Variants in EHBP1 observed in about 807,000 individuals in gnomAD.
EHBP1 encodes the protein EH domain-binding protein 1.
EHBP1 carries 55 observed loss-of-function variants against 144.0 expected under a neutral mutation model. The ratio of observed to expected loss-of-function variants is 0.38; its 90% confidence interval spans 0.31 to 0.48. The LOEUF is 0.48. Among genes scored for constraint, EHBP1 ranks in the 20% least tolerant of loss-of-function variants. EHBP1 has a pLI of 0.98. For synonymous variants in EHBP1, 469 were observed against 472.7 expected (o/e 0.99, Z 0.10); for missense variants, 1,200 against 1,364.2 (o/e 0.88, Z 1.90).
intron 7 of EHBP1, among the ~76,000 whole-genome samples, chr2:62,840,923 T>A (rs1558771222): frequency 1.3e-5 from 2 of 152,242 alleles, no homozygotes; most frequent in East Asian, 1.9e-4. Context: ...ATTGTGGAAG[T>A]CAGTGTGGTG....
At chr2:63,041,818 A>G (rs1005342667) in intron 21 of EHBP1, among the ~76,000 whole-genome samples, 1 of 152,156 alleles carries the variant, frequency 6.6e-6, no homozygotes, top group Non-Finnish European at 1.5e-5. Flanking sequence ...GTTAATTTTC[A>G]TCAAAGTGCC....
chr2:62,744,536 C>T (rs569984286), intron 2 of EHBP1, among the ~76,000 whole-genome samples: 3 of 151,854 alleles, frequency 2.0e-5, no homozygotes, highest in Admixed American at 6.6e-5. Flanking sequence ...AGTTTGTTCC[C>T]GATAATTAAA....
At position 62,825,304 on chromosome 2, in the gene EHBP1, A is replaced by G. The variant is rs539088480; in HGVS notation, c.313-783A>G. On this transcript the variant is annotated intron_variant, in intron 5 of 22. Transcript: ENST00000431489. ...CCTGTTTTCATTGTTCTCCTAGGCT[A>G]TTCTGTAAAGTATAGTTAAGAAACA... Among the ~76,000 whole-genome samples, 8 of 152,174 alleles carry G rather than the reference A, an allele frequency of 5.3e-5. No homozygotes were observed. In the South Asian group the frequency reaches 1.0e-3, roughly 20 times the overall value.
At chr2:63,034,345 A>AT (rs1018544095) in intron 19 of EHBP1, among the ~76,000 whole-genome samples, 2 of 151,982 alleles carry the variant, frequency 1.3e-5, no homozygotes, top group East Asian at 1.9e-4. Context: ...TATGTCTTGA[A>AT]TTTTTTAAAT....
At chr2:63,022,594 C>T (rs564399710) in intron 19 of EHBP1, among the ~76,000 whole-genome samples, 12 of 152,040 alleles carry the variant, frequency 7.9e-5, no homozygotes, top group Admixed American at 3.3e-4. Context: ...GGATCACAGA[C>T]ATGAGCCACC....
At chr2:62,772,192 G>A (rs1034002285) in intron 5 of EHBP1, 1 of 151,122 alleles carries the variant, frequency 6.6e-6, no homozygotes, top group African/African-American at 2.4e-5. Flanking sequence ...GAGGAAGGGA[G>A]GGAGGGAGGG....
chr2:62,968,682 A>G (rs967805084), intron 14 of EHBP1, among the ~76,000 whole-genome samples: 5 of 152,204 alleles, frequency 3.3e-5, no homozygotes, highest in African/African-American at 1.2e-4. Context: ...TACTTTAAAT[A>G]CTTGAACTGT....
chr2:63,025,316 C>T (rs2060928482), intron 19 of EHBP1, among the ~76,000 whole-genome samples: 1 of 152,180 alleles, frequency 6.6e-6, no homozygotes, highest in Non-Finnish European at 1.5e-5. Flanking sequence ...GGCTGGATTG[C>T]TTTGATGCAG....
In EHBP1 at chr2:62,852,278, G is replaced by A. The variant is rs191423807; in HGVS notation, c.635-6891G>A. Among the ~76,000 whole-genome samples, 26 of 152,106 alleles carry A rather than the reference G, an allele frequency of 1.7e-4. No individual in the cohort carries two copies. The East Asian group carries it at 4.8e-3, about 28-fold the overall frequency. On this transcript the variant is annotated intron_variant, in intron 7 of 22. Coordinates refer to ENST00000431489, the MANE Select transcript of EHBP1 (RefSeq NM_001142616.3). ...TTTTGACCTATTAATTGCACATATAGGAATATAGGACTAATAAATAATACT... is the reference window on the plus strand; with the variant it reads ...TTTTGACCTATTAATTGCACATATAAGAATATAGGACTAATAAATAATACT...
chr2:62,761,768 T>C (rs1558627124), intron 3 of EHBP1, among the ~76,000 whole-genome samples: 1 of 152,274 alleles, frequency 6.6e-6, no homozygotes, highest in East Asian at 1.9e-4. Context: ...ATCATTAGAT[T>C]TTCCCTCTCA....
chr2:62,844,984 C>T (rs1573672600), intron 7 of EHBP1, among the ~76,000 whole-genome samples: 1 of 152,130 alleles, frequency 6.6e-6, no homozygotes, highest in Non-Finnish European at 1.5e-5. Context: ...TGTTGTTTAT[C>T]CCCTACCACC....
intron 14 of EHBP1, among the ~76,000 whole-genome samples, chr2:62,972,168 G>A (rs2058528797): frequency 6.6e-6 from 1 of 152,066 alleles, no homozygotes; most frequent in Non-Finnish European, 1.5e-5. Context: ...ACAGCTATGA[G>A]CCACTGTCTT....
chr2:62,875,268 A>G (rs1485224912), intron 10 of EHBP1, among the ~76,000 whole-genome samples: 2 of 152,226 alleles, frequency 1.3e-5, no homozygotes, highest in Non-Finnish European at 2.9e-5. Flanking sequence ...GACTGGGAAC[A>G]TCTCAGGCCC....
chr2:62,826,459 C>G lies in EHBP1; in HGVS notation c.494+191C>G. ...GTCTCTTTTGACTCCAGAGAATGTACAGTAATATAAACGTGAGCACAGCTG... is the reference window on the plus strand; with the variant it reads ...GTCTCTTTTGACTCCAGAGAATGTAGAGTAATATAAACGTGAGCACAGCTG... On this transcript the variant is annotated intron_variant, in intron 6 of 22. Coordinates refer to ENST00000431489, the MANE Select transcript of EHBP1 (RefSeq NM_001142616.3). 3 of 476,024 alleles carry G rather than the reference C, an allele frequency of 6.3e-6. 1 individual carries two copies. In the South Asian group the frequency reaches 1.3e-4, roughly 20 times the overall value. The allele number at this position is 476,024 out of a possible 1,614,324, so 29.5% of individuals were successfully genotyped here.
At chr2:62,975,888 A>ATG (rs1491335939) in intron 14 of EHBP1, among the ~76,000 whole-genome samples, 3 of 4,712 alleles carry the variant, frequency 6.4e-4, no homozygotes, top group African/African-American at 1.8e-3. Context: ...TACTGTATGT[A>ATG]CACACACACA....
In EHBP1 at chr2:63,045,674, C is replaced by T. The variant is rs2061928609; in HGVS notation, c.*174C>T. On this transcript the variant is annotated 3_prime_UTR_variant, in exon 23 of 23. Coordinates refer to ENST00000431489, the MANE Select transcript of EHBP1 (RefSeq NM_001142616.3). This position sits in a 1 kb window ranked among gnomAD's most constrained non-coding sequence, Gnocchi z 5.7. Reference sequence around the variant, plus strand: ...TCCTCCCTCCTTTCCAAATAATATACAGAACTCCAAAATAGCTTCATTTAA... The same window carrying T: ...TCCTCCCTCCTTTCCAAATAATATATAGAACTCCAAAATAGCTTCATTTAA... The T allele has an allele frequency of 1.7e-6, 1 of 578,378 alleles. No individual in the cohort carries two copies. Among genetic ancestry groups the T allele is most frequent in the African/African-American group, 1.9e-5 (1 of 53,278 alleles). 35.8% of individuals were successfully genotyped at this position (578,378 alleles called of 1,614,324 possible).
chr2:62,884,899 A>G (rs944474569), intron 10 of EHBP1, among the ~76,000 whole-genome samples: 2 of 152,220 alleles, frequency 1.3e-5, no homozygotes, highest in African/African-American at 2.4e-5. Context: ...AATGTGTTTT[A>G]CATCAAAACA....
At chr2:62,792,029 T>A (rs1180714745) in intron 5 of EHBP1, among the ~76,000 whole-genome samples, 1 of 152,092 alleles carries the variant, frequency 6.6e-6, no homozygotes, top group Non-Finnish European at 1.5e-5. Flanking sequence ...AGTTGTGTTA[T>A]ACTCAGCCTT....
intron 10 of EHBP1, among the ~76,000 whole-genome samples, chr2:62,918,729 T>C (rs997081191): frequency 2.0e-5 from 3 of 152,206 alleles, no homozygotes; most frequent in African/African-American, 7.2e-5. Flanking sequence ...AATATGACAA[T>C]TCCTGGACAT....
Sources: gnomAD v4.1 joint callset for allele counts (sites outside exome capture counted in the v4.1 genomes callset) on GRCh38, gnomAD v4.1.1 for gene constraint, Gnocchi (gnomAD v3.1) non-coding constraint, MANE v1.5 for transcripts, NCBI Gene and HGNC (gene_info 2026-07-23, HGNC 2026-07-21) for gene names.